The following UNC80 variants were observed in gnomAD, a reference collection of about 807,000 sequenced individuals.
UNC80 encodes unc-80 subunit of NALCN channel complex, also known as protein unc-80 homolog.
Under a neutral mutation model 384.6 loss-of-function variants are expected in UNC80, and 164 were observed. The observed-to-expected ratio is 0.43, with a 90% confidence interval of 0.38 to 0.49. UNC80 has a LOEUF of 0.49. Among genes scored for constraint, UNC80 ranks in the 20% least tolerant of loss-of-function variants. The pLI is 0.00. For synonymous variants in UNC80, 1,486 were observed against 1,527.8 expected (o/e 0.97, Z 0.64); for missense variants, 3,330 against 4,143.0 (o/e 0.80, Z 5.39).
At chr2:209,831,716 T>A in intron 16 of UNC80, 125 bp downstream of exon 16, 1 of 1,125,642 alleles carries the variant, frequency 8.9e-7, no homozygotes, top group Non-Finnish European at 1.2e-6. Context: ...TTTAAATATC[T>A]ATTTTCCCCG....
At chr2:209,877,907 A>G (rs2084923817) in intron 23 of UNC80, 47 bp from the exon 24 acceptor site, 1 of 1,459,694 alleles carries the variant, frequency 6.9e-7, no homozygotes, top group Non-Finnish European at 9.1e-7. Flanking sequence ...CCTATTTTAG[A>G]GTTTGACTTA....
chr2:209,775,535 AT>A (rs2076816851), intron 2 of UNC80, among the ~76,000 whole-genome samples: 1 of 152,200 alleles, frequency 6.6e-6, no homozygotes, highest in Non-Finnish European at 1.5e-5. Flanking sequence ...ACTCGGCAAC[AT>A]TTTATAAAAT....
At chr2:209,969,984 G>C (rs192827387) in intron 53 of UNC80, 93 bp downstream of exon 53, 1 of 1,474,338 alleles carries the variant, frequency 6.8e-7, no homozygotes, top group Admixed American at 2.2e-5. Context: ...CAACCACTTT[G>C]TGCCCCTATC....
At chr2:209,952,446 A>G (rs1286886085) in intron 47 of UNC80, among the ~76,000 whole-genome samples, 3 of 152,208 alleles carry the variant, frequency 2.0e-5, no homozygotes, top group Non-Finnish European at 4.4e-5. Flanking sequence ...TCAGCCTTCC[A>G]TGGGCCTAAC....
At chr2:209,828,557 G>A (rs1418838393) in intron 14 of UNC80, among the ~76,000 whole-genome samples, 1 of 149,584 alleles carries the variant, frequency 6.7e-6, no homozygotes, top group African/African-American at 2.5e-5. Context: ...GCCTTGATTT[G>A]TCAAAATGAT....
chr2:209,831,668 G>C, intron 16 of UNC80, 77 bp downstream of exon 16: 1 of 1,357,454 alleles, frequency 7.4e-7, no homozygotes, highest in Non-Finnish European at 9.6e-7. Flanking sequence ...GTGGCCATGA[G>C]TAAGAGAAGC....
At chr2:209,994,013 G>T in intron 63 of UNC80, 52 bp from the exon 64 acceptor site, 1 of 1,475,396 alleles carries the variant, frequency 6.8e-7, no homozygotes, top group Non-Finnish European at 9.1e-7. Context: ...AAGCATTGAC[G>T]GTCCGTTTCC....
rs144012935 is a variant in UNC80, at chr2:209,789,822, T to A, written c.798+217T>A. 8.9e-4 allele frequency among the ~76,000 whole-genome samples: 135 copies of A among 152,226 alleles called. 1 individual carries two copies. Among genetic ancestry groups the A allele is most frequent in the African/African-American group, 3.1e-3 (128 of 41,546 alleles). ...GCGTGCAGGTGTGGAAATAAGACCA[T>A]ATACGACTAGTATTTTATCTCGGTG... On this transcript the variant is annotated intron_variant, in intron 6 of 64. Coordinates refer to ENST00000673920, the MANE Select transcript of UNC80 (RefSeq NM_001371986.1).
At chr2:209,820,228 G>T (rs2080038970) in intron 12 of UNC80, 83 bp from the exon 13 acceptor site, 14 of 1,438,854 alleles carry the variant, frequency 9.7e-6, no homozygotes, top group Non-Finnish European at 1.3e-5. Context: ...CTAAGGAAAT[G>T]GGTTAAACAG....
intron 23 of UNC80, among the ~76,000 whole-genome samples, chr2:209,877,686 AT>A (rs1432871483): frequency 1.3e-5 from 2 of 152,156 alleles, no homozygotes; most frequent in Non-Finnish European, 2.9e-5. Flanking sequence ...AAATGGAAAT[AT>A]TTTCAGAAAA....
intron 22 of UNC80, chr2:209,869,065 A>T (rs2084076318): frequency 6.6e-6 from 1 of 152,120 alleles, no homozygotes. Flanking sequence ...TTAGATGTTC[A>T]CCTGTAACTG....
At chr2:209,866,488 C>CACACA (rs1559226539) in intron 22 of UNC80, among the ~76,000 whole-genome samples, 5 of 106,682 alleles carry the variant, frequency 4.7e-5, no homozygotes, top group Admixed American at 1.0e-4. Flanking sequence ...CAAAATGCAC[C>CACACA]CCCACACACA....
chr2:209,877,075 C>G (rs974433086), intron 23 of UNC80, among the ~76,000 whole-genome samples: 4 of 152,156 alleles, frequency 2.6e-5, no homozygotes, highest in Non-Finnish European at 4.4e-5. Context: ...CTTACTTAAA[C>G]ACAGAGTATC....
intron 28 of UNC80, among the ~76,000 whole-genome samples, chr2:209,900,880 C>G (rs775222307): frequency 2.6e-5 from 4 of 152,202 alleles, no homozygotes; most frequent in African/African-American, 9.7e-5. Context: ...CCACAATATT[C>G]TCTTAAACCC....
chr2:209,867,061 T>G lies in UNC80; in HGVS notation c.3628-5697T>G, dbSNP rs192373279. Among the ~76,000 whole-genome samples, 29 of 152,372 alleles carry G rather than the reference T, an allele frequency of 1.9e-4. No individual in the cohort carries two copies. In the East Asian group the frequency reaches 4.4e-3, roughly 23 times the overall value. Reference sequence around the variant, plus strand: ...TGTTGGGAATGTTCCAAATCTTCTCTTCTAGTTATTTTGAAATATAATGTA... The same window carrying G: ...TGTTGGGAATGTTCCAAATCTTCTCGTCTAGTTATTTTGAAATATAATGTA... On this transcript the variant is annotated intron_variant, in intron 22 of 64. Transcript: ENST00000673920.
At position 209,833,427 on chromosome 2, in the gene UNC80, C is replaced by T. The variant is rs190538171; in HGVS notation, c.2776-575C>T. 1.3e-3 allele frequency among the ~76,000 whole-genome samples: 195 copies of T among 152,238 alleles called. 3 individuals carry two copies. Among genetic ancestry groups the T allele is most frequent in the African/African-American group, 4.4e-3 (182 of 41,534 alleles). ...CAATATATTGGTTTTAATAGCCCTA[C>T]GTCACCTTCAGTTTGTAGTCGAGTT... On this transcript the variant is annotated intron_variant, in intron 16 of 64. Coordinates refer to ENST00000673920, the MANE Select transcript of UNC80 (RefSeq NM_001371986.1).
intron 4 of UNC80, among the ~76,000 whole-genome samples, chr2:209,783,716 C>T (rs1426671666): frequency 2.0e-5 from 3 of 152,080 alleles, no homozygotes; most frequent in Non-Finnish European, 4.4e-5. Context: ...GCTGCAGTTT[C>T]CACAGGAGTT....
chr2:209,877,300 A>G (rs1233428238), intron 23 of UNC80, among the ~76,000 whole-genome samples: 1 of 152,198 alleles, frequency 6.6e-6, no homozygotes, highest in Non-Finnish European at 1.5e-5. Context: ...TGTTAGTTCT[A>G]AGAATACCGT....
Position 209,909,010 on chromosome 2 carries a change from AAAG to A in UNC80, c.4783-3541_4783-3539del, listed in dbSNP as rs1044824165. Among the ~76,000 whole-genome samples the A allele has an allele frequency of 1.4e-4, 22 of 152,328 alleles. No individual in the cohort carries two copies. The Middle Eastern group carries it at 0.014, about 94-fold the overall frequency. ...TGTTACAATTCTTTTAGAATTAAAA[AAAG>A]AAGAAGAAATATATAAATACCTTGT... On this transcript the variant is annotated intron_variant, in intron 29 of 64. Transcript: ENST00000673920.
Sources: allele counts gnomAD v4.1 joint callset (sites outside exome capture counted in the v4.1 genomes callset), GRCh38; gene constraint gnomAD v4.1.1; transcripts MANE v1.5; gene names NCBI Gene and HGNC (gene_info 2026-07-23, HGNC 2026-07-21).